The following MAP2 variants were observed in gnomAD, a reference collection of about 807,000 sequenced individuals.
MAP2 encodes the protein microtubule associated protein 2, also known as microtubule-associated protein 2.
In MAP2, 14 loss-of-function variants were observed where a neutral mutation model predicts 137.6. The observed-to-expected ratio is 0.10, with a 90% CI of 0.07 to 0.16. The LOEUF (loss-of-function observed/expected upper bound fraction) is 0.16. Among genes scored for constraint, MAP2 ranks in the 10% least tolerant of loss-of-function variants. MAP2 has a pLI of 1.00. For missense variants in MAP2, 2,088 were observed against 2,191.5 expected (o/e 0.95, Z 0.94); for synonymous variants, 786 against 782.3 (o/e 1.00, Z -0.08).
rs1320974238 is a variant in MAP2, at chr2:209,700,408, A to G, written c.4584+70A>G. On this transcript the variant is annotated intron_variant, in intron 11 of 15. Transcript: ENST00000682079. ...TGGTATTAGCTGTAACATCAGAATA[A>G]CTTTTGATATTGTTTAGATATTTAC... 2.5e-6 allele frequency: 3 copies of G among 1,201,110 alleles called. No homozygotes were observed. In the East Asian group the frequency reaches 7.0e-5, roughly 28 times the overall value. The allele number at this position is 1,201,110 out of a possible 1,614,324, so 74.4% of individuals were successfully genotyped here.
intron 1 of MAP2, among the ~76,000 whole-genome samples, chr2:209,476,858 GA>G (rs572821185): frequency 4.6e-5 from 7 of 151,456 alleles, no homozygotes; most frequent in African/African-American, 1.7e-4. Flanking sequence ...GAGCTCTTTG[GA>G]AAAAAAATAA....
chr2:209,437,603 T>C (rs1696663380), intron 1 of MAP2, among the ~76,000 whole-genome samples: 1 of 151,608 alleles, frequency 6.6e-6, no homozygotes, highest in South Asian at 2.1e-4. Flanking sequence ...GTGAGATTGT[T>C]TGACTCTTCC....
intron 1 of MAP2, among the ~76,000 whole-genome samples, chr2:209,463,939 G>A (rs879440749): frequency 6.6e-6 from 1 of 152,124 alleles, no homozygotes; most frequent in Non-Finnish European, 1.5e-5. Context: ...TAGATTTAGA[G>A]TGGTTTATAT....
chr2:209,605,302 A>G (rs553718046), intron 3 of MAP2, among the ~76,000 whole-genome samples: 2 of 152,300 alleles, frequency 1.3e-5, no homozygotes, highest in Admixed American at 6.5e-5. Context: ...AATATGTACA[A>G]GAGAACCTCA....
chr2:209,620,465 A>C (rs2153518486), intron 3 of MAP2, among the ~76,000 whole-genome samples: 1 of 152,332 alleles, frequency 6.6e-6, no homozygotes, highest in African/African-American at 2.4e-5. Context: ...AAGAAACATA[A>C]GTTTCTCTTA....
chr2:209,724,386 T>C (rs1559671622), intron 13 of MAP2, among the ~76,000 whole-genome samples: 1 of 152,152 alleles, frequency 6.6e-6, no homozygotes, highest in Non-Finnish European at 1.5e-5. Flanking sequence ...AAAGGAAGCA[T>C]GGTTCTTTAT....
chr2:209,436,985 C>T lies in MAP2; in HGVS notation c.-222+12709C>T, dbSNP rs150151207. Among the ~76,000 whole-genome samples the T allele has an allele frequency of 6.1e-3, 920 of 151,774 alleles. 8 individuals carry two copies. The highest frequency in any genetic ancestry group is 0.02 in the African/African-American group (840 of 41,486). On this transcript the variant is annotated intron_variant, in intron 1 of 15. Coordinates refer to ENST00000682079, the MANE Select transcript of MAP2 (RefSeq NM_001375505.1). ...TCAGAGATCTACTTTTAATGAAAGT[C>T]TGTGACCAGAACAGTATTCACTTTT...
intron 1 of MAP2, among the ~76,000 whole-genome samples, chr2:209,503,718 CACCACGAAGGG>C (rs1329376994): frequency 6.6e-6 from 1 of 152,068 alleles, no homozygotes; most frequent in Non-Finnish European, 1.5e-5. Context: ...TTCTTATTCT[CACCACGAAGGG>C]TATTTTCAAC....
At chr2:209,670,940 G>C (rs908967442) in intron 5 of MAP2, among the ~76,000 whole-genome samples, 1 of 151,858 alleles carries the variant, frequency 6.6e-6, no homozygotes, top group African/African-American at 2.4e-5. Flanking sequence ...ACTAAGAATA[G>C]CTCCATTGTC....
chr2:209,469,546 C>T (rs930855734), intron 1 of MAP2, among the ~76,000 whole-genome samples: 3 of 152,082 alleles, frequency 2.0e-5, no homozygotes, highest in Admixed American at 6.6e-5. Context: ...CTTTCCATCT[C>T]CATCTTGTTA....
chr2:209,559,760 C>T (rs1308249931), intron 2 of MAP2, among the ~76,000 whole-genome samples: 1 of 152,012 alleles, frequency 6.6e-6, no homozygotes, highest in Non-Finnish European at 1.5e-5. Context: ...TCTCTGCTTT[C>T]TGGTGCAACA....
At chr2:209,520,397 C>T (rs1014363090) in intron 2 of MAP2, among the ~76,000 whole-genome samples, 2 of 151,900 alleles carry the variant, frequency 1.3e-5, no homozygotes, top group African/African-American at 2.4e-5. Flanking sequence ...GCATAAAATG[C>T]ATATTTTTTT....
At chr2:209,524,825 A>G (rs924497960) in intron 2 of MAP2, among the ~76,000 whole-genome samples, 1 of 152,134 alleles carries the variant, frequency 6.6e-6, no homozygotes, top group African/African-American at 2.4e-5. Context: ...AGGGTGTGAA[A>G]AAAGTTAATA....
intron 1 of MAP2, among the ~76,000 whole-genome samples, chr2:209,451,073 T>C (rs1213302637): frequency 6.6e-6 from 1 of 152,136 alleles, no homozygotes; most frequent in Non-Finnish European, 1.5e-5. Context: ...ACCTGAAGAA[T>C]GTAATCCAAA....
At chr2:209,624,101 G>A (rs749296192) in intron 3 of MAP2, among the ~76,000 whole-genome samples, 14 of 152,120 alleles carry the variant, frequency 9.2e-5, no homozygotes, top group Non-Finnish European at 2.9e-5. Flanking sequence ...CAGAAGAATT[G>A]AGCCATCTGC....
At chr2:209,501,291 T>G (rs546321846) in intron 1 of MAP2, among the ~76,000 whole-genome samples, 105 of 152,318 alleles carry the variant, frequency 6.9e-4, no homozygotes, top group African/African-American at 2.4e-3. Context: ...TCACAATTAA[T>G]TTTGATAATC....
At chr2:209,493,727 A>G (rs951681111) in intron 1 of MAP2, among the ~76,000 whole-genome samples, 1 of 152,204 alleles carries the variant, frequency 6.6e-6, no homozygotes, top group African/African-American at 2.4e-5. Flanking sequence ...TCAAAACCAC[A>G]ATGAGATACC....
intron 1 of MAP2, among the ~76,000 whole-genome samples, chr2:209,438,628 A>G (rs1442698346): frequency 6.6e-6 from 1 of 151,492 alleles, no homozygotes; most frequent in Non-Finnish European, 1.5e-5. Context: ...TCCTCTCACC[A>G]TTGAGCTGAG....
intron 2 of MAP2, among the ~76,000 whole-genome samples, chr2:209,508,605 CACACACAG>C (rs1432862801): frequency 1.4e-5 from 2 of 139,704 alleles, no homozygotes; most frequent in African/African-American, 2.5e-5. Context: ...CACACACACA[CACACACAG>C]AGATGAAAAA....
Sources: allele counts gnomAD v4.1 joint callset (sites outside exome capture counted in the v4.1 genomes callset), GRCh38; gene constraint gnomAD v4.1.1; transcripts MANE v1.5; gene names NCBI Gene and HGNC (gene_info 2026-07-23, HGNC 2026-07-21).